CLPB: variants seen among roughly 807,000 people sequenced by gnomAD.
CLPB encodes the protein mitochondrial disaggregase.
Under a neutral mutation model 78.4 loss-of-function variants are expected in CLPB, and 40 were observed. The observed-to-expected ratio is 0.51, with a 90% confidence interval of 0.40 to 0.66. CLPB has a LOEUF of 0.66. Ranked by LOEUF, CLPB falls within the 30% of genes least tolerant of loss-of-function variation. The probability of loss-of-function intolerance (pLI) is 0.00; values close to 1 mark genes in which losing one functional copy is unlikely to be tolerated. For missense variants in CLPB, 780 were observed against 886.9 expected (o/e 0.88, Z 1.53); for synonymous variants, 333 against 348.0 (o/e 0.96, Z 0.48).
intron 4 of CLPB, among the ~76,000 whole-genome samples, chr11:72,376,109 C>T (rs1006270961): frequency 2.0e-5 from 3 of 152,202 alleles, no homozygotes; most frequent in Admixed American, 6.5e-5. Context: ...TGCCTAGACA[C>T]ACTCGAAGGA....
At chr11:72,383,409 T>C (rs1265565611) in intron 3 of CLPB, among the ~76,000 whole-genome samples, 1 of 151,314 alleles carries the variant, frequency 6.6e-6, no homozygotes, top group Non-Finnish European at 1.5e-5. Flanking sequence ...CGGGCGCCTG[T>C]AGTCCCAGCT....
chr11:72,334,934 C>T (rs1413725910), intron 5 of CLPB, among the ~76,000 whole-genome samples: 1 of 152,250 alleles, frequency 6.6e-6, no homozygotes, highest in Non-Finnish European at 1.5e-5. Context: ...ACTGCTGCGG[C>T]TGCGCCTGCC....
chr11:72,373,023 A>C (rs1951073486), intron 4 of CLPB: 1 of 1,612,670 alleles, frequency 6.2e-7, no homozygotes, highest in African/African-American at 1.3e-5. Flanking sequence ...ATCTGAAGAC[A>C]CAGAGATGGG....
At chr11:72,315,613 C>A (rs985284875) in intron 7 of CLPB, among the ~76,000 whole-genome samples, 2 of 152,220 alleles carry the variant, frequency 1.3e-5, no homozygotes, top group Non-Finnish European at 2.9e-5. Context: ...TTGCACAAAT[C>A]AATATCCCAG....
chr11:72,327,958 C>G (rs1350116692), intron 6 of CLPB, among the ~76,000 whole-genome samples: 1 of 152,184 alleles, frequency 6.6e-6, no homozygotes. Context: ...TACTGCAAAA[C>G]AGTTACTAAA....
At chr11:72,300,826 G>A (rs76758409) in intron 11 of CLPB, among the ~76,000 whole-genome samples, 1,603 of 152,224 alleles carry the variant, frequency 0.011, 26 homozygotes, top group African/African-American at 0.037. Context: ...CCTCATCCCC[G>A]GTTCAGTCCT....
chr11:72,366,276 G>A (rs1042091631), intron 4 of CLPB, among the ~76,000 whole-genome samples: 1 of 152,154 alleles, frequency 6.6e-6, no homozygotes, highest in African/African-American at 2.4e-5. Context: ...GTACAATGGT[G>A]TGACCTTGGC....
At chr11:72,348,290 G>A (rs377527610) in intron 5 of CLPB, among the ~76,000 whole-genome samples, 1 of 152,208 alleles carries the variant, frequency 6.6e-6, no homozygotes. Flanking sequence ...AAATCACAAT[G>A]GTCACTAAAC....
At chr11:72,311,299 G>A (rs1949841566) in intron 7 of CLPB, among the ~76,000 whole-genome samples, 2 of 152,164 alleles carry the variant, frequency 1.3e-5, no homozygotes, top group Admixed American at 6.5e-5. Flanking sequence ...ATGGGCCCAC[G>A]TGGGAGGTGG....
chr11:72,397,875 A>T (rs1855454614), intron 3 of CLPB, among the ~76,000 whole-genome samples: 1 of 152,196 alleles, frequency 6.6e-6, no homozygotes, highest in South Asian at 2.1e-4. Flanking sequence ...ACTAGGAACA[A>T]CTTAAACTTC....
At chr11:72,359,125 A>C (rs1427428487) in intron 4 of CLPB, 117 bp from the exon 5 acceptor site, 2 of 1,503,116 alleles carry the variant, frequency 1.3e-6, no homozygotes, top group Non-Finnish European at 1.8e-6. Context: ...ACTAAGCATA[A>C]AATGGCACCT....
intron 6 of CLPB, among the ~76,000 whole-genome samples, chr11:72,328,276 C>T (rs1045179696): frequency 3.3e-5 from 5 of 152,150 alleles, no homozygotes; most frequent in Non-Finnish European, 5.9e-5. Context: ...AGAGTCTGCC[C>T]CTCACCCACA....
At chr11:72,425,982 T>A (rs936474321) in intron 2 of CLPB, among the ~76,000 whole-genome samples, 9 of 152,064 alleles carry the variant, frequency 5.9e-5, no homozygotes, top group African/African-American at 1.7e-4. Context: ...CCCGACTCTG[T>A]CATCATGGGC....
chr11:72,301,662 T>C, intron 11 of CLPB, 141 bp downstream of exon 11: 1 of 928,872 alleles, frequency 1.1e-6, no homozygotes, highest in East Asian at 2.4e-5. Flanking sequence ...AAGTTGCACC[T>C]ACTGGATGAA....
chr11:72,294,255 C>T, intron 14 of CLPB, 70 bp downstream of exon 14: 5 of 1,612,788 alleles, frequency 3.1e-6, no homozygotes, highest in East Asian at 2.2e-5. Context: ...GTGGGGGTGC[C>T]CCCAGTCCAG....
At chr11:72,424,606 C>A (rs1252616952) in intron 2 of CLPB, among the ~76,000 whole-genome samples, 3 of 150,426 alleles carry the variant, frequency 2.0e-5, no homozygotes, top group Non-Finnish European at 4.4e-5. Flanking sequence ...AAAAAAAAAA[C>A]AAAAATACCC....
At chr11:72,346,988 T>TAA (rs60688188) in intron 5 of CLPB, among the ~76,000 whole-genome samples, 673 of 60,158 alleles carry the variant, frequency 0.011, 8 homozygotes, top group African/African-American at 0.031. Flanking sequence ...TCTCAAAAAT[T>TAA]AAAAAAAAAA....
At chr11:72,356,723 C>T (rs1370603093) in intron 5 of CLPB, among the ~76,000 whole-genome samples, 1 of 152,162 alleles carries the variant, frequency 6.6e-6, no homozygotes, top group Non-Finnish European at 1.5e-5. Flanking sequence ...CCAGCCTTGG[C>T]CTGGGGGTGA....
chr11:72,358,432 G>T (rs1950763424), intron 5 of CLPB, among the ~76,000 whole-genome samples: 1 of 152,176 alleles, frequency 6.6e-6, no homozygotes, highest in Non-Finnish European at 1.5e-5. Context: ...TGAGACGGGG[G>T]TGGGACCAAA....
Sources: gnomAD v4.1 joint callset for allele counts (sites outside exome capture counted in the v4.1 genomes callset) on GRCh38, gnomAD v4.1.1 for gene constraint, MANE v1.5 for transcripts, NCBI Gene and HGNC (gene_info 2026-07-23, HGNC 2026-07-21) for gene names.